The following DENND4C variants were observed in gnomAD, a reference collection of about 807,000 sequenced individuals.
The protein encoded by DENND4C is DENN domain containing 4C, also known as DENN domain-containing protein 4C.
In DENND4C, 108 loss-of-function variants were observed where a neutral mutation model predicts 203.0. The observed-to-expected ratio is 0.53, with a 90% CI of 0.46 to 0.62. The LOEUF is 0.62. Among genes scored for constraint, DENND4C ranks in the 20% least tolerant of loss-of-function variants. DENND4C has a pLI of 0.00. For missense variants in DENND4C, 2,481 were observed against 2,301.2 expected (o/e 1.08, Z -1.60); for synonymous variants, 871 against 792.4 (o/e 1.10, Z -1.67).
rs1016346814 is a variant in DENND4C at position 19,259,203 on chromosome 9, C to T, written c.-17-16955C>T. Among the ~76,000 whole-genome samples, 17 of 152,164 alleles carry T rather than the reference C, an allele frequency of 1.1e-4. 2 individuals carry two copies. The highest frequency in any genetic ancestry group is 4.6e-4 in the Admixed American group (7 of 15,242). On this transcript the variant is annotated intron_variant, in intron 1 of 32. Coordinates refer to ENST00000434457, the MANE Select transcript of DENND4C (RefSeq NM_001330640.2). ...ATACTAGATCTTATTCATTCTAACC[C>T]TATTTTTGTATGCATTAACCGTCTC...
chr9:19,334,421 TTTAG>T (rs1251165939), intron 17 of DENND4C, among the ~76,000 whole-genome samples: 1 of 152,186 alleles, frequency 6.6e-6, no homozygotes, highest in Non-Finnish European at 1.5e-5. Context: ...TTTGTATAGA[TTTAG>T]TTACTCAAAC....
chr9:19,245,743 C>G (rs1273192494), intron 1 of DENND4C, among the ~76,000 whole-genome samples: 1 of 151,972 alleles, frequency 6.6e-6, no homozygotes, highest in Non-Finnish European at 1.5e-5. Context: ...GTAATCCCAG[C>G]TACTCAGAAG....
At chr9:19,248,780 T>A (rs569887382) in intron 1 of DENND4C, among the ~76,000 whole-genome samples, 136 of 148,666 alleles carry the variant, frequency 9.1e-4, no homozygotes, top group Middle Eastern at 3.4e-3. Context: ...TGTTTTGATT[T>A]ACTTTTCTTC....
intron 1 of DENND4C, among the ~76,000 whole-genome samples, chr9:19,236,605 G>A (rs1460012519): frequency 6.6e-6 from 1 of 152,172 alleles, no homozygotes; most frequent in East Asian, 1.9e-4. Context: ...GATTGGGAGA[G>A]CAGTTTGAGT....
At chr9:19,348,198 A>T (rs560587048) in intron 23 of DENND4C, among the ~76,000 whole-genome samples, 2 of 152,260 alleles carry the variant, frequency 1.3e-5, no homozygotes, top group African/African-American at 4.8e-5. Context: ...TGTTATCCTG[A>T]TTTTGTAGAT....
intron 1 of DENND4C, among the ~76,000 whole-genome samples, 197 bp downstream of exon 1, chr9:19,231,030 C>T (rs1204256244): frequency 1.3e-5 from 2 of 152,314 alleles, no homozygotes; most frequent in East Asian, 1.9e-4. Context: ...CCGCGGTTTC[C>T]GGGGGCGGGG....
At chr9:19,322,577 C>T (rs1843056809) in intron 12 of DENND4C, among the ~76,000 whole-genome samples, 1 of 151,614 alleles carries the variant, frequency 6.6e-6, no homozygotes, top group East Asian at 1.9e-4. Flanking sequence ...CTGGCTAACA[C>T]AGTGAAAAAT....
At chr9:19,266,965 C>A (rs1232952622) in intron 1 of DENND4C, among the ~76,000 whole-genome samples, 1 of 152,112 alleles carries the variant, frequency 6.6e-6, no homozygotes, top group African/African-American at 2.4e-5. Flanking sequence ...ACATCGTGGT[C>A]AGAGACCTAT....
At chr9:19,276,615 A>G (rs1181159850) in intron 2 of DENND4C, 136 bp downstream of exon 2, 14 of 502,418 alleles carry the variant, frequency 2.8e-5, no homozygotes, top group African/African-American at 5.9e-5. Flanking sequence ...TGGTTACTTC[A>G]GGATTCATTA....
At chr9:19,304,618 G>T (rs1374796187) in intron 9 of DENND4C, among the ~76,000 whole-genome samples, 1 of 149,028 alleles carries the variant, frequency 6.7e-6, no homozygotes, top group African/African-American at 2.5e-5. Context: ...CTCACTGCAA[G>T]CTCCACCTCC....
intron 1 of DENND4C, among the ~76,000 whole-genome samples, chr9:19,257,059 G>C (rs10124723): frequency 0.5 from 74,175 of 147,888 alleles, 19,182 homozygotes; most frequent in South Asian, 0.65. Context: ...GACAGAGTGA[G>C]ACTCCGTCTC....
chr9:19,370,105 C>G, intron 31 of DENND4C, 118 bp downstream of exon 31: 1 of 1,219,210 alleles, frequency 8.2e-7, no homozygotes, highest in Non-Finnish European at 1.2e-6. Flanking sequence ...TGCAAAACAT[C>G]TATTGTTTTA....
rs767778957 is a variant in DENND4C, at chr9:19,328,061, C to T, written c.2152C>T (p.Leu718Phe). The change falls in exon 16 of 33, where the codon CTT becomes TTT. Residue 718 changes from leucine to phenylalanine, a missense_variant. Leu to Phe is a conservative substitution (Grantham distance 22). Around this residue, in one of 3 missense-constraint regions of DENND4C, gnomAD observed 2,289 missense variants for 2,113.3 expected, o/e 1.08. Coordinates refer to ENST00000434457, the MANE Select transcript of DENND4C (RefSeq NM_001330640.2). ...YKYFPRLDLK[L>F]FDRPQELKLC... The stretch of plus-strand genomic sequence containing the variant: ...ATACTTTCCAAGACTGGACCTTAAG[C>T]TTTTTGACAGACCGCAGGAGTTGAA... The T allele has an allele frequency of 3.7e-6, 6 of 1,611,502 alleles. No individual in the cohort carries two copies. Among genetic ancestry groups the T allele is most frequent in the Non-Finnish European group, 5.1e-6 (6 of 1,179,046 alleles).
chr9:19,235,200 G>A (rs1453467255), intron 1 of DENND4C, among the ~76,000 whole-genome samples: 4 of 151,442 alleles, frequency 2.6e-5, no homozygotes, highest in African/African-American at 9.7e-5. Context: ...CCTGACCTCA[G>A]GTGATCCATC....
intron 5 of DENND4C, among the ~76,000 whole-genome samples, 158 bp downstream of exon 5, chr9:19,291,034 A>G (rs1336108095): frequency 6.6e-6 from 1 of 152,206 alleles, no homozygotes; most frequent in African/African-American, 2.4e-5. Context: ...CAACATGAAA[A>G]TTGCTATCAG....
chr9:19,316,589 A>G, intron 11 of DENND4C, 32 bp from the exon 12 acceptor site: 4 of 1,606,472 alleles, frequency 2.5e-6, no homozygotes, highest in Non-Finnish European at 3.4e-6. Flanking sequence ...ATTTAACATA[A>G]TACCATTTTC....
At position 19,298,128 on chromosome 9, in the gene DENND4C, C is replaced by T. The variant is rs181349346; in HGVS notation, c.1107+6C>T. 6.2e-7 allele frequency: 1 copy of T among 1,605,798 alleles called. No homozygotes were observed. Among genetic ancestry groups the T allele is most frequent in the Admixed American group, 1.7e-5 (1 of 59,716 alleles). On this transcript the variant is annotated splice_donor_region_variant and intron_variant, in intron 7 of 32. Coordinates refer to ENST00000434457, the MANE Select transcript of DENND4C (RefSeq NM_001330640.2). ...GACCGAGAATCCTTGTCCAGGTAAT[C>T]AAAAGAGAGTATATTTGGGGAGAAC...
In DENND4C at chr9:19,307,652, C is replaced by T. The variant is rs186856103; in HGVS notation, c.1487+2125C>T. On this transcript the variant is annotated intron_variant, in intron 10 of 32. Transcript: ENST00000434457. ...AGGCATGGTGGTGGGCGCCTGTAATCCCAACTACTCGGGAGTCTGAGGCAA... is the reference window on the plus strand; with the variant it reads ...AGGCATGGTGGTGGGCGCCTGTAATTCCAACTACTCGGGAGTCTGAGGCAA... Among the ~76,000 whole-genome samples, 879 of 151,538 alleles carry T rather than the reference C, an allele frequency of 5.8e-3. 1 individual carries two copies. The highest frequency in any genetic ancestry group is 9.8e-3 in the Non-Finnish European group (666 of 67,894).
rs67295891 is a variant in DENND4C, at chr9:19,241,793, C to A, written c.-18+10960C>A. ...AGCACATTGGGAGGCTGAGGTGGGA[C>A]GATCGCTTGAGCTCAGGAGATTGGG... On this transcript the variant is annotated intron_variant, in intron 1 of 32. Transcript: ENST00000434457. 6.6e-5 allele frequency among the ~76,000 whole-genome samples: 10 copies of A among 151,526 alleles called. No homozygotes were observed. In the South Asian group the frequency reaches 1.9e-3, roughly 28 times the overall value.
Sources: gnomAD v4.1 joint callset for allele counts (sites outside exome capture counted in the v4.1 genomes callset) on GRCh38, gnomAD v4.1.1 for gene constraint, gnomAD v4.1.1 regional missense constraint, MANE v1.5 for transcripts, NCBI Gene and HGNC (gene_info 2026-07-23, HGNC 2026-07-21) for gene names.